RNPC3: variants seen among roughly 807,000 people sequenced by gnomAD.
RNPC3 encodes the protein RNA-binding region-containing protein 3.
Under a neutral mutation model 67.5 loss-of-function variants are expected in RNPC3, and 48 were observed. That is an observed-to-expected ratio of 0.71 (90% CI 0.56 to 0.90). The LOEUF (loss-of-function observed/expected upper bound fraction) is 0.90. RNPC3 is among the 40% of genes least tolerant of loss of function. The pLI is 0.00. For synonymous variants in RNPC3, 239 were observed against 210.3 expected (o/e 1.14, Z -1.18); for missense variants, 637 against 626.1 (o/e 1.02, Z -0.19).
chr1:103,530,181 T>TGG (rs1650815503), intron 2 of RNPC3, among the ~76,000 whole-genome samples: 1 of 151,836 alleles, frequency 6.6e-6, no homozygotes, highest in African/African-American at 2.4e-5. Context: ...ATTTAGGTTT[T>TGG]GGGATTATAT....
intron 12 of RNPC3, among the ~76,000 whole-genome samples, chr1:103,549,175 G>A (rs1227612387): frequency 1.3e-5 from 2 of 152,088 alleles, no homozygotes; most frequent in Admixed American, 1.3e-4. Context: ...TTACAATACC[G>A]TATTTGTTAA....
intron 2 of RNPC3, among the ~76,000 whole-genome samples, chr1:103,533,165 G>A (rs1216565743): frequency 6.6e-6 from 1 of 152,028 alleles, no homozygotes; most frequent in East Asian, 1.9e-4. Context: ...TAGGCATGTG[G>A]ATAGTTAATA....
chr1:103,532,595 C>T (rs1403576957), intron 2 of RNPC3, among the ~76,000 whole-genome samples: 1 of 151,938 alleles, frequency 6.6e-6, no homozygotes, highest in African/African-American at 2.4e-5. Flanking sequence ...GAGAGGAAGA[C>T]CAGGACAAGA....
rs1570612718 is a variant in RNPC3 at position 103,526,297 on chromosome 1, G to A, written c.192+35G>A. 6 of 1,485,392 alleles carry A rather than the reference G, an allele frequency of 4.0e-6. No homozygotes were observed. In the East Asian group the frequency reaches 1.0e-4, roughly 25 times the overall value. The allele number at this position is 1,485,392 out of a possible 1,614,324, so 92.0% of individuals were successfully genotyped here. On this transcript the variant is annotated intron_variant, in intron 1 of 14. Coordinates refer to ENST00000423855, the MANE Select transcript of RNPC3 (RefSeq NM_017619.4). ...CGCCCCTCCGGAGTCTCCCGGGAAG[G>A]CATTTGGGAAGTGACCGGGGAGGGG...
chr1:103,529,636 C>T (rs559870198), intron 2 of RNPC3, among the ~76,000 whole-genome samples: 1 of 152,126 alleles, frequency 6.6e-6, no homozygotes, highest in African/African-American at 2.4e-5. Context: ...TGGAGTAAGT[C>T]AGGTTAGATG....
intron 13 of RNPC3, 61 bp downstream of exon 13, chr1:103,551,134 T>C: frequency 7.2e-7 from 1 of 1,386,076 alleles, no homozygotes; most frequent in Non-Finnish European, 9.7e-7. Context: ...TAACTGAAAT[T>C]AATTTTCATG....
At position 103,551,123 on chromosome 1, in the gene RNPC3, A is replaced by G. The variant is rs1415607923; in HGVS notation, c.1494+50A>G. The G allele has an allele frequency of 9.8e-6, 14 of 1,431,178 alleles. No homozygotes were observed. The East Asian group carries it at 2.8e-4, about 29-fold the overall frequency. 88.7% of individuals were successfully genotyped at this position (1,431,178 alleles called of 1,614,324 possible). A position where few individuals can be genotyped will look rare whatever the true frequency, so the allele number is the denominator to read the frequency against. On this transcript the variant is annotated intron_variant, in intron 13 of 14. Coordinates refer to ENST00000423855, the MANE Select transcript of RNPC3 (RefSeq NM_017619.4). ...AAAACTATATAATTTTTAGAAGGAT[A>G]TAACTGAAATTAATTTTCATGTTAC...
intron 10 of RNPC3, chr1:103,546,020 C>A: frequency 4.7e-6 from 1 of 213,202 alleles, no homozygotes; most frequent in Admixed American, 5.7e-5. Flanking sequence ...ATATTTAAAC[C>A]CATTTGTAAT....
At chr1:103,551,994 G>C in intron 14 of RNPC3, 1 of 387,232 alleles carries the variant, frequency 2.6e-6, no homozygotes, top group South Asian at 5.5e-5. Context: ...TAAGTTTGGA[G>C]AATGAATCTT....
chr1:103,540,113 C>G (rs6669851), intron 7 of RNPC3, among the ~76,000 whole-genome samples: 97,076 of 152,122 alleles, frequency 0.64, 31,404 homozygotes, highest in Middle Eastern at 0.73. Flanking sequence ...GTGACCCGCC[C>G]TCCTTGGCCT....
chr1:103,551,722 A>T lies in RNPC3; in HGVS notation c.1496A>T (p.Gln499Leu), dbSNP rs1283989650. The T allele has an allele frequency of 1.3e-6, 2 of 1,516,084 alleles. No homozygotes were observed. The highest frequency in any genetic ancestry group is 1.8e-6 in the Non-Finnish European group (2 of 1,125,696). 93.9% of individuals were successfully genotyped at this position (1,516,084 alleles called of 1,614,324 possible). Residue 499 changes from glutamine (Q) to leucine (L), a missense_variant and splice_region_variant, in exon 14 of 15, where the codon CAG (glutamine) becomes CTG (leucine). Coordinates refer to ENST00000423855, the MANE Select transcript of RNPC3 (RefSeq NM_017619.4). Reference sequence around the variant, plus strand: ...GAAACCTTAATTTTAAATTATTAGCAGTTTGCTCGATCTGCTAGACCAAAA... The same window carrying T: ...GAAACCTTAATTTTAAATTATTAGCTGTTTGCTCGATCTGCTAGACCAAAA... Reference protein sequence around the residue: ...YVLFGKPMVVQFARSARPKQD... With the variant: ...YVLFGKPMVVLFARSARPKQD...
Position 103,533,839 on chromosome 1 carries a change from G to C in RNPC3, c.341G>C (p.Gly114Ala). The C allele has an allele frequency of 6.7e-7, 1 of 1,487,976 alleles. No homozygotes were observed. The highest frequency in any genetic ancestry group is 9.0e-7 in the Non-Finnish European group (1 of 1,109,202). The allele number at this position is 1,487,976 out of a possible 1,614,324, so 92.2% of individuals were successfully genotyped here. Residue 114 changes from glycine to alanine, a missense_variant, in exon 3 of 15, where the codon GGC becomes GCC. Transcript: ENST00000423855. ...GTTCACTCCCCATGTCCCACTTCAG[G>C]CTCTGAAAAAAAAAAAAGGTATGTA... Reference protein sequence around the residue: ...DRVHSPCPTSGSEKKKRSDDP... With the variant: ...DRVHSPCPTSASEKKKRSDDP...
Position 103,526,036 on chromosome 1 carries a change from T to C in RNPC3, c.-35T>C. ...ATGCCGCGATTTTGACTGAGACTTCTTCCCACGATTTCTGTTTTTGCTTCT... is the reference window on the plus strand; with the variant it reads ...ATGCCGCGATTTTGACTGAGACTTCCTCCCACGATTTCTGTTTTTGCTTCT... On this transcript the variant is annotated 5_prime_UTR_variant, in exon 1 of 15. Coordinates refer to ENST00000423855, the MANE Select transcript of RNPC3 (RefSeq NM_017619.4). 1 of 1,478,308 alleles carries C rather than the reference T, an allele frequency of 6.8e-7. No homozygotes were observed. The highest frequency in any genetic ancestry group is 9.1e-7 in the Non-Finnish European group (1 of 1,101,164). 91.6% of individuals were successfully genotyped at this position (1,478,308 alleles called of 1,614,324 possible).
chr1:103,541,105 A>G (rs1395895167), intron 7 of RNPC3, among the ~76,000 whole-genome samples: 1 of 152,154 alleles, frequency 6.6e-6, no homozygotes, highest in Non-Finnish European at 1.5e-5. Flanking sequence ...AATTGATAAT[A>G]TGTAATTAAG....
Position 103,534,781 on chromosome 1 carries a change from G to C in RNPC3, c.367G>C (p.Asp123His). The part of the protein sequence containing the change: ...SGSEKKKRSD[D>H]PVEDDKEKKE... The stretch of plus-strand genomic sequence containing the variant: ...TGATTCTGTATGTCCCAGGTCTGAT[G>C]ACCCTGTCGAAGATGATAAAGAAAA... Residue 123 changes from aspartate (D) to histidine (H), a missense_variant, in exon 4 of 15, where the codon GAC (aspartate) becomes CAC (histidine). Asp to His is a moderately conservative substitution (Grantham distance 81, BLOSUM62 -1). Transcript: ENST00000423855. The C allele has an allele frequency of 6.6e-7, 1 of 1,524,638 alleles. No individual in the cohort carries two copies. 94.4% of individuals were successfully genotyped at this position (1,524,638 alleles called of 1,614,324 possible).
chr1:103,544,721 T>C (rs1162608290), intron 9 of RNPC3, among the ~76,000 whole-genome samples: 7 of 151,790 alleles, frequency 4.6e-5, no homozygotes, highest in Non-Finnish European at 7.4e-5. Context: ...TATAAATTTT[T>C]CTTATCTCAT....
Position 103,537,462 on chromosome 1 carries a change from A to G in RNPC3, c.745A>G (p.Thr249Ala), listed in dbSNP as rs960259499. ...TAGTGAAGAATCAGAATATGAAAGC[A>G]CTGATGATGAGGACCGACAGAGGTT... The part of the protein sequence containing the change: ...LSSEESEYES[T>A]DDEDRQRMNK... The change falls in exon 7 of 15, where the codon ACT becomes GCT. Residue 249 changes from threonine (T) to alanine (A), a missense_variant. By Grantham distance (58) the Thr-to-Ala change is moderately conservative. Around this residue, in one of 3 missense-constraint regions of RNPC3, gnomAD observed 536 missense variants for 500.3 expected, o/e 1.07. Coordinates refer to ENST00000423855, the MANE Select transcript of RNPC3 (RefSeq NM_017619.4). 8 of 1,536,186 alleles carry G rather than the reference A, an allele frequency of 5.2e-6. No homozygotes were observed. The South Asian group carries it at 7.2e-5, about 14-fold the overall frequency.
intron 14 of RNPC3, chr1:103,552,764 C>T (rs1490550477): frequency 8.1e-6 from 1 of 124,080 alleles, no homozygotes; most frequent in Non-Finnish European, 1.7e-5. Flanking sequence ...GACTCCATCT[C>T]AAAAAAAAAA....
At chr1:103,536,773 TG>T (rs1365799514) in intron 6 of RNPC3, among the ~76,000 whole-genome samples, 2 of 150,486 alleles carry the variant, frequency 1.3e-5, no homozygotes, top group African/African-American at 4.8e-5. Flanking sequence ...CTTTAGGATT[TG>T]TTTTTTTTTT....
Sources: allele counts gnomAD v4.1 joint callset (sites outside exome capture counted in the v4.1 genomes callset), GRCh38; gene constraint gnomAD v4.1.1; regional missense constraint gnomAD v4.1.1; transcripts MANE v1.5; gene names NCBI Gene and HGNC (gene_info 2026-07-23, HGNC 2026-07-21).